Variants in HCLS1 observed in about 807,000 individuals in gnomAD.
HCLS1 encodes hematopoietic cell-specific Lyn substrate 1.
HCLS1 carries 44 observed loss-of-function variants against 68.6 expected under a neutral mutation model. The observed-to-expected ratio is 0.64, with a 90% CI of 0.50 to 0.82. The LOEUF is 0.82. Among genes scored for constraint, HCLS1 ranks in the 40% least tolerant of loss-of-function variants. The pLI is 0.00. For missense variants in HCLS1, 602 were observed against 612.1 expected (o/e 0.98, Z 0.17); for synonymous variants, 217 against 225.8 (o/e 0.96, Z 0.35).
At chr3:121,646,353 A>G (rs1200212324) in intron 4 of HCLS1, among the ~76,000 whole-genome samples, 1 of 101,714 alleles carries the variant, frequency 9.8e-6, no homozygotes, top group African/African-American at 4.1e-5. Flanking sequence ...TATATAATAT[A>G]TTACATTATA....
chr3:121,647,006 G>A (rs1249132620), intron 4 of HCLS1, among the ~76,000 whole-genome samples: 2 of 140,506 alleles, frequency 1.4e-5, no homozygotes, highest in Admixed American at 7.5e-5. Flanking sequence ...TTTTGAGACA[G>A]AGTCTCGCTC....
At chr3:121,633,029 A>T in intron 11 of HCLS1, 38 bp downstream of exon 11, 1 of 1,391,014 alleles carries the variant, frequency 7.2e-7, no homozygotes, top group Non-Finnish European at 1.0e-6. Context: ...ACTCGAGAAG[A>T]TGGGGTGGGG....
At chr3:121,633,213 C>A (rs2049117317) in intron 10 of HCLS1, 42 bp from the exon 11 acceptor site, 8 of 1,252,906 alleles carry the variant, frequency 6.4e-6, no homozygotes, top group Non-Finnish European at 8.9e-6. Context: ...AAGCCTCCAT[C>A]TTCACTCCTT....
chr3:121,652,849 T>C (rs1390897886), intron 3 of HCLS1, among the ~76,000 whole-genome samples: 1 of 152,180 alleles, frequency 6.6e-6, no homozygotes, highest in Admixed American at 6.5e-5. Context: ...GCTTAGTTCA[T>C]GGGAATTTGC....
Position 121,635,237 on chromosome 3 carries a change from TTCTCTCTCTCTC to T in HCLS1, c.691+486_691+497del, listed in dbSNP as rs201290743. Among the ~76,000 whole-genome samples, 291 of 114,442 alleles carry T rather than the reference TTCTCTCTCTCTC, an allele frequency of 2.5e-3. 3 individuals carry two copies. Among genetic ancestry groups the T allele is most frequent in the Middle Eastern group, 0.018 (4 of 224 alleles). The allele number at this position is 114,442 out of a possible 152,430, so 75.1% of individuals were successfully genotyped here. On this transcript the variant is annotated intron_variant, in intron 9 of 13. Coordinates refer to ENST00000314583, the MANE Select transcript of HCLS1 (RefSeq NM_005335.6). ...TCTCTCTCTCTCTCTTCTCTCCCTT[TTCTCTCTCTCTC>T]TCTCTCTCTCTCTCTCTCTCTCTCT...
chr3:121,658,483 A>G, intron 1 of HCLS1, 136 bp from the exon 2 acceptor site: 1 of 674,344 alleles, frequency 1.5e-6, no homozygotes, highest in East Asian at 2.7e-5. Context: ...ATAGAAAATG[A>G]AGCAAAGCAA....
At chr3:121,650,885 C>A (rs1203263557) in intron 3 of HCLS1, among the ~76,000 whole-genome samples, 1 of 152,182 alleles carries the variant, frequency 6.6e-6, no homozygotes, top group Non-Finnish European at 1.5e-5. Context: ...CGCCTGTAAT[C>A]TCAGCACTTT....
rs372191150 is a variant in HCLS1 at position 121,637,224 on chromosome 3, C to T, written c.487G>A (p.Val163Met). ...YSRGFGGRYG[V>M]EKDKWDKAAL... ...GCTTTGTCCCATTTATCCTTCTCCA[C>T]CCCGTACCGGCCACCAAAGCCACGA... Residue 163 changes from valine to methionine, a missense_variant, in exon 7 of 14, where the codon GTG becomes ATG. By Grantham distance (21) the Val-to-Met change is conservative (BLOSUM62 1). Transcript: ENST00000314583. 2 of 1,613,498 alleles carry T rather than the reference C, an allele frequency of 1.2e-6. No individual in the cohort carries two copies. The highest frequency in any genetic ancestry group is 1.7e-5 in the Admixed American group (1 of 59,918).
chr3:121,639,229 C>T (rs529754687), intron 6 of HCLS1, among the ~76,000 whole-genome samples: 1 of 152,316 alleles, frequency 6.6e-6, no homozygotes, highest in Non-Finnish European at 1.5e-5. Flanking sequence ...GACTCTTATA[C>T]AACACTATAC....
At chr3:121,648,630 AGAAT>A (rs1181879295) in intron 3 of HCLS1, among the ~76,000 whole-genome samples, 1 of 152,252 alleles carries the variant, frequency 6.6e-6, no homozygotes, top group Non-Finnish European at 1.5e-5. Flanking sequence ...GGTTATACGT[AGAAT>A]GGCTGTCTCA....
intron 1 of HCLS1, among the ~76,000 whole-genome samples, chr3:121,660,540 G>C (rs1316825692): frequency 1.3e-5 from 2 of 152,184 alleles, no homozygotes; most frequent in Non-Finnish European, 2.9e-5. Flanking sequence ...ACAGGCCTTA[G>C]AGTGGGTTGT....
Position 121,642,079 on chromosome 3 carries a change from C to CAAA in HCLS1, c.454+845_454+847dup, listed in dbSNP as rs1167544123. Among the ~76,000 whole-genome samples, 153 of 64,534 alleles carry CAAA rather than the reference C, an allele frequency of 2.4e-3. 1 individual carries two copies. Among genetic ancestry groups the CAAA allele is most frequent in the African/African-American group, 7.7e-3 (119 of 15,478 alleles). 42.3% of individuals were successfully genotyped at this position (64,534 alleles called of 152,430 possible). On this transcript the variant is annotated intron_variant, in intron 6 of 13. Transcript: ENST00000314583. Reference sequence around the variant, plus strand: ...TGGGCGACAGAGCCAGACTCCGTCGCAAAAAAAAAAAAAAAAAAACTTGAT... The same window carrying CAAA: ...TGGGCGACAGAGCCAGACTCCGTCGCAAAAAAAAAAAAAAAAAAAAAACTTGAT...
chr3:121,635,409 C>T lies in HCLS1; in HGVS notation c.691+326G>A, dbSNP rs566195326. On this transcript the variant is annotated intron_variant, in intron 9 of 13. Coordinates refer to ENST00000314583, the MANE Select transcript of HCLS1 (RefSeq NM_005335.6). ...TCTCCTGCCTCAGCCTCCCAAGTAG[C>T]TGGGATTATAGGTGTGCACCTCCAT... Among the ~76,000 whole-genome samples the T allele has an allele frequency of 2.2e-4, 34 of 152,072 alleles. No individual in the cohort carries two copies. The East Asian group carries it at 6.6e-3, about 29-fold the overall frequency.
chr3:121,655,679 G>A (rs1165641388), intron 3 of HCLS1: 1 of 100,080 alleles, frequency 1.0e-5, no homozygotes, highest in East Asian at 3.0e-4. Flanking sequence ...AGGGTCTTGT[G>A]GTTTTTTTTT....
At chr3:121,657,232 C>A (rs754073020) in intron 3 of HCLS1, 47 bp downstream of exon 3, 3 of 1,527,924 alleles carry the variant, frequency 2.0e-6, no homozygotes, top group East Asian at 4.5e-5. Flanking sequence ...TTTCTTTGGG[C>A]TCTTCCCATA....
At chr3:121,636,520 G>C in intron 7 of HCLS1, 31 bp from the exon 8 acceptor site, 6 of 1,568,500 alleles carry the variant, frequency 3.8e-6, no homozygotes, top group Non-Finnish European at 5.3e-6. Flanking sequence ...AGTTATAGGA[G>C]ATCAAAATGC....
At chr3:121,641,445 A>G (rs533411347) in intron 6 of HCLS1, among the ~76,000 whole-genome samples, 77 of 152,376 alleles carry the variant, frequency 5.1e-4, no homozygotes, top group Admixed American at 4.1e-3. Context: ...TGAAACAATG[A>G]AATACAATAA....
At chr3:121,646,908 G>T (rs1195978289) in intron 4 of HCLS1, among the ~76,000 whole-genome samples, 1 of 143,380 alleles carries the variant, frequency 7.0e-6, no homozygotes, top group African/African-American at 2.5e-5. Context: ...TTATATATAA[G>T]TATATAATTA....
At chr3:121,637,026 G>A in intron 7 of HCLS1, 120 bp downstream of exon 7, 1 of 695,194 alleles carries the variant, frequency 1.4e-6, no homozygotes, top group Non-Finnish European at 2.6e-6. Context: ...TACTGCCCTG[G>A]CACCCCCTGC....
Sources: gnomAD v4.1 joint callset for allele counts (sites outside exome capture counted in the v4.1 genomes callset) on GRCh38, gnomAD v4.1.1 for gene constraint, MANE v1.5 for transcripts, NCBI Gene and HGNC (gene_info 2026-07-23, HGNC 2026-07-21) for gene names.